Variants in RBFA observed in about 807,000 individuals in gnomAD.
The protein encoded by RBFA is ribosome binding factor A.
Under a neutral mutation model 27.9 loss-of-function variants are expected in RBFA, and 16 were observed. The ratio of observed to expected loss-of-function variants is 0.57; its 90% CI spans 0.39 to 0.87. The LOEUF (loss-of-function observed/expected upper bound fraction) is 0.87, where lower values mean the gene tolerates loss of function less well. RBFA is among the 40% of genes least tolerant of loss of function. The probability of loss-of-function intolerance (pLI) is 0.00; values close to 1 mark genes in which losing one functional copy is unlikely to be tolerated. For synonymous variants in RBFA, 181 were observed against 181.0 expected, an observed-to-expected ratio of 1.00 and a Z score of 0.00; for missense variants, 456 against 432.1, an observed-to-expected ratio of 1.06 and a Z score of -0.49.
At position 80,042,129 on chromosome 18, in the gene RBFA, T is replaced by C; in HGVS notation, c.492-6T>C. On this transcript the variant is annotated splice_region_variant and splice_polypyrimidine_tract_variant and intron_variant, in intron 4 of 6. Transcript: ENST00000306735. ...GCTGTGAGGGTCTGTGCGTTCTGTC[T>C]CCTAGGCACCTTTTGATGTCCCAGC... The C allele has an allele frequency of 6.2e-7, 1 of 1,605,330 alleles. No individual in the cohort carries two copies. The highest frequency in any genetic ancestry group is 8.5e-7 in the Non-Finnish European group (1 of 1,175,024).
rs138331070 is a variant in RBFA at position 80,042,640 on chromosome 18, G to A, written c.576+421G>A. On this transcript the variant is annotated intron_variant, in intron 5 of 6. Coordinates refer to ENST00000306735, the MANE Select transcript of RBFA (RefSeq NM_024805.3). ...AAAAAAATTAGCTAGGTGTGGTGGC[G>A]TGCGCCCGTAGTCTCAGCTGCTCGG... Among the ~76,000 whole-genome samples, 112 of 152,060 alleles carry A rather than the reference G, an allele frequency of 7.4e-4. 3 individuals are homozygous for A. In the East Asian group the frequency reaches 0.02, roughly 27 times the overall value.
rs2052071407 is a variant in RBFA at position 80,048,442 on chromosome 18, G to A, written c.*2287G>A. On this transcript the variant is annotated 3_prime_UTR_variant, in exon 7 of 7. Coordinates refer to ENST00000306735, the MANE Select transcript of RBFA (RefSeq NM_024805.3). ...TGCATGCATCTGATGTGCCCAGGCT[G>A]TGTTTTATTGTTCTAGCAATTTATT... Among the ~76,000 whole-genome samples, 1 of 152,204 alleles carries A rather than the reference G, an allele frequency of 6.6e-6. No individual in the cohort carries two copies. Among genetic ancestry groups the A allele is most frequent in the Admixed American group, 6.5e-5 (1 of 15,278 alleles).
At chr18:80,036,928 A>G (rs2051983319) in intron 2 of RBFA, among the ~76,000 whole-genome samples, 1 of 152,232 alleles carries the variant, frequency 6.6e-6, no homozygotes, top group Non-Finnish European at 1.5e-5. Context: ...TTATCAAATT[A>G]TAATATGGTA....
chr18:80,039,732 C>T (rs1760789503), intron 4 of RBFA, among the ~76,000 whole-genome samples: 1 of 152,188 alleles, frequency 6.6e-6, no homozygotes, highest in Admixed American at 6.5e-5. Context: ...TAAACTGTGT[C>T]AATGCTTTTA....
At chr18:80,040,176 G>T (rs2052006970) in intron 4 of RBFA, among the ~76,000 whole-genome samples, 1 of 147,442 alleles carries the variant, frequency 6.8e-6, no homozygotes, top group African/African-American at 2.5e-5. Flanking sequence ...TGACAAAGAA[G>T]ATCCATACTT....
At chr18:80,044,171 G>T in intron 5 of RBFA, 41 bp from the exon 6 acceptor site, 1 of 1,538,750 alleles carries the variant, frequency 6.5e-7, no homozygotes, top group South Asian at 1.1e-5. Context: ...TATGGTGGTG[G>T]GGATGTGGCT....
rs1375113393 is a variant in RBFA, at chr18:80,034,582, C to G, written c.87C>G (p.Gly29=). ...FRSRDAALFP[G]CERGLHCSAV... ...GCCGCGATGCTGCGCTATTTCCAGG[C>G]TGCGAGCGGGGACTTCACTGCTCTG... The change falls in exon 1 of 7, where the codon GGC becomes GGG. Residue 29 remains glycine (G), a synonymous_variant. Transcript: ENST00000306735. 6.2e-7 allele frequency: 1 copy of G among 1,609,862 alleles called. No individual in the cohort carries two copies. Among genetic ancestry groups the G allele is most frequent in the East Asian group, 2.3e-5 (1 of 44,262 alleles).
At position 80,049,307 on chromosome 18, in the gene RBFA, G is replaced by T. The variant is rs562779803; in HGVS notation, c.*3152G>T. Among the ~76,000 whole-genome samples the T allele has an allele frequency of 2.6e-5, 4 of 152,144 alleles. No homozygotes were observed. Among genetic ancestry groups the T allele is most frequent in the Admixed American group, 1.3e-4 (2 of 15,294 alleles). On this transcript the variant is annotated 3_prime_UTR_variant, in exon 7 of 7. Coordinates refer to ENST00000306735, the MANE Select transcript of RBFA (RefSeq NM_024805.3). ...TGGGTCCACTCCTGGGGATTTCCACGGCCTTTCCTGGGAGCAGGTTAGGGA... is the reference window on the plus strand; with the variant it reads ...TGGGTCCACTCCTGGGGATTTCCACTGCCTTTCCTGGGAGCAGGTTAGGGA...
At position 80,048,972 on chromosome 18, in the gene RBFA, G is replaced by A. The variant is rs1049499078; in HGVS notation, c.*2817G>A. Among the ~76,000 whole-genome samples the A allele has an allele frequency of 1.3e-5, 2 of 148,168 alleles. No individual in the cohort carries two copies. The highest frequency in any genetic ancestry group is 5.0e-5 in the African/African-American group (2 of 39,926). On this transcript the variant is annotated 3_prime_UTR_variant, in exon 7 of 7. Coordinates refer to ENST00000306735, the MANE Select transcript of RBFA (RefSeq NM_024805.3). ...CTCAGTGCCTCCTAGAAAGTGGAGT[G>A]TGGGCACGTTTGTAGGGGATCCCAC... is the stretch of plus-strand genomic sequence containing the variant.
At chr18:80,044,748 T>A (rs1193450250) in intron 6 of RBFA, among the ~76,000 whole-genome samples, 4 of 152,234 alleles carry the variant, frequency 2.6e-5, no homozygotes, top group African/African-American at 9.6e-5. Flanking sequence ...CCTGTGCATG[T>A]ACACACACAT....
At chr18:80,043,356 C>G (rs2052029240) in intron 5 of RBFA, among the ~76,000 whole-genome samples, 1 of 152,138 alleles carries the variant, frequency 6.6e-6, no homozygotes, top group African/African-American at 2.4e-5. Context: ...AAACATTGTA[C>G]AAGTAATAAG....
intron 5 of RBFA, among the ~76,000 whole-genome samples, chr18:80,043,667 C>T (rs2052031465): frequency 1.3e-5 from 2 of 152,180 alleles, no homozygotes; most frequent in Admixed American, 1.3e-4. Flanking sequence ...GATAGGCAGG[C>T]AGGGTTCGGG....
intron 4 of RBFA, among the ~76,000 whole-genome samples, chr18:80,039,511 G>A (rs2052003029): frequency 1.3e-5 from 2 of 152,136 alleles, no homozygotes; most frequent in African/African-American, 4.8e-5. Context: ...TGGGTGTTTG[G>A]CAGACATTCT....
At chr18:80,040,351 T>C (rs2145145774) in intron 4 of RBFA, among the ~76,000 whole-genome samples, 1 of 149,036 alleles carries the variant, frequency 6.7e-6, no homozygotes, top group East Asian at 2.1e-4. Context: ...CAGGCTCAAG[T>C]GATCTTCCTG....
In RBFA at chr18:80,047,939, T is replaced by C. The variant is rs1260304033; in HGVS notation, c.*1784T>C. ...ACAACAACCAGTTTGCCTCTTATTC[T>C]TCTAGGGGACCATCATGGGCTGAGG... On this transcript the variant is annotated 3_prime_UTR_variant, in exon 7 of 7. Transcript: ENST00000306735. Among the ~76,000 whole-genome samples, 1 of 152,236 alleles carries C rather than the reference T, an allele frequency of 6.6e-6. No individual in the cohort carries two copies. The highest frequency in any genetic ancestry group is 1.5e-5 in the Non-Finnish European group (1 of 68,046).
chr18:80,034,712 G>A, intron 1 of RBFA, 59 bp downstream of exon 1: 1 of 1,581,894 alleles, frequency 6.3e-7, no homozygotes, highest in Non-Finnish European at 8.6e-7. Context: ...GGTGTCCCCG[G>A]GTTGCGGTGT....
rs2052074083 is a variant in RBFA, at chr18:80,048,783, AG to A, written c.*2630del. On this transcript the variant is annotated 3_prime_UTR_variant, in exon 7 of 7. Transcript: ENST00000306735. ...CGCCGGCTCAGTGCCTCCTAGAAAG[AG>A]GAGTGTGGGCACGTTTGCAGGGGAT... Among the ~76,000 whole-genome samples, 1 of 144,546 alleles carries A rather than the reference AG, an allele frequency of 6.9e-6. No homozygotes were observed. The highest frequency in any genetic ancestry group is 2.2e-4 in the South Asian group (1 of 4,518). 94.8% of individuals were successfully genotyped at this position (144,546 alleles called of 152,430 possible). A position where few individuals can be genotyped will look rare whatever the true frequency, so the allele number is the denominator to read the frequency against.
Position 80,046,213 on chromosome 18 carries a change from C to T in RBFA, c.*58C>T. The T allele has an allele frequency of 6.5e-7, 1 of 1,545,438 alleles. No homozygotes were observed. The highest frequency in any genetic ancestry group is 8.8e-7 in the Non-Finnish European group (1 of 1,141,166). On this transcript the variant is annotated 3_prime_UTR_variant, in exon 7 of 7. Coordinates refer to ENST00000306735, the MANE Select transcript of RBFA (RefSeq NM_024805.3). ...GGAAAAGCATTGGCACGCAACGCAG[C>T]ATGTGGCTTCATTGAGGCAGTTGAT...
chr18:80,042,077 C>A, intron 4 of RBFA, 58 bp from the exon 5 acceptor site: 1 of 1,309,344 alleles, frequency 7.6e-7, no homozygotes, highest in Non-Finnish European at 1.1e-6. Flanking sequence ...AGCACTGTCA[C>A]GCCTCTCCAC....
Sources: allele counts gnomAD v4.1 joint callset (sites outside exome capture counted in the v4.1 genomes callset), GRCh38; gene constraint gnomAD v4.1.1; transcripts MANE v1.5; gene names NCBI Gene and HGNC (gene_info 2026-07-23, HGNC 2026-07-21).